Variants in SLC1A1 observed in about 807,000 individuals in gnomAD.
The protein encoded by SLC1A1 is excitatory amino acid transporter 3.
SLC1A1 carries 43 observed loss-of-function variants against 53.3 expected under a neutral mutation model. The observed-to-expected ratio is 0.81, with a 90% confidence interval of 0.63 to 1.04. SLC1A1 has a LOEUF of 1.04. SLC1A1 is among the 50% of genes least tolerant of loss of function. The probability of loss-of-function intolerance (pLI) is 0.00; values close to 1 mark genes in which losing one functional copy is unlikely to be tolerated. For missense variants in SLC1A1, 748 were observed against 664.9 expected, an observed-to-expected ratio of 1.12 and a Z score of -1.37; for synonymous variants, 307 against 243.2, an observed-to-expected ratio of 1.26 and a Z score of -2.44.
At chr9:4,509,204 C>A (rs559056099) in intron 1 of SLC1A1, among the ~76,000 whole-genome samples, 19 of 152,182 alleles carry the variant, frequency 1.2e-4, no homozygotes, top group Non-Finnish European at 2.9e-5. Flanking sequence ...CATGGAGCAT[C>A]TTTAAGAAAT....
At chr9:4,511,197 C>T (rs927607640) in intron 1 of SLC1A1, among the ~76,000 whole-genome samples, 3 of 152,150 alleles carry the variant, frequency 2.0e-5, no homozygotes, top group Non-Finnish European at 4.4e-5. Context: ...CCACAGACTA[C>T]GTAGCTTATA....
At chr9:4,507,807 T>G (rs563003438) in intron 1 of SLC1A1, among the ~76,000 whole-genome samples, 2 of 152,128 alleles carry the variant, frequency 1.3e-5, no homozygotes, top group African/African-American at 4.8e-5. Context: ...CAGAGGTCGA[T>G]CTGATCTTAA....
chr9:4,561,430 AT>A lies in SLC1A1; in HGVS notation c.233-16del, dbSNP rs756969436. 29 of 1,455,474 alleles carry A rather than the reference AT, an allele frequency of 2.0e-5. No individual in the cohort carries two copies. In the Middle Eastern group the frequency reaches 5.2e-4, roughly 26 times the overall value. 90.2% of individuals were successfully genotyped at this position (1,455,474 alleles called of 1,614,324 possible). A position where few individuals can be genotyped will look rare whatever the true frequency, so the allele number is the denominator to read the frequency against. On this transcript the variant is annotated intron_variant, in intron 2 of 11. Transcript: ENST00000262352. ...TGTCTTTTAAAATTAATGTAATTTG[AT>A]TTCTGTCTCCCCTTCAGGTGTTGCT...
In SLC1A1 at chr9:4,587,079, A is replaced by G. The variant is rs1317629175; in HGVS notation, c.*1521A>G. The G allele has an allele frequency of 6.6e-6, 1 of 152,646 alleles. No individual in the cohort carries two copies. The highest frequency in any genetic ancestry group is 2.4e-5 in the African/African-American group (1 of 41,444). The allele number at this position is 152,646 out of a possible 1,614,324, so 9.5% of individuals were successfully genotyped here. A position where few individuals can be genotyped will look rare whatever the true frequency, so the allele number is the denominator to read the frequency against. ...TGCTTTCATGTTTAAGAAATGAGAA[A>G]TTGTGCCAAAGATAGCAGAAGAGTA... On this transcript the variant is annotated 3_prime_UTR_variant, in exon 12 of 12. Coordinates refer to ENST00000262352, the MANE Select transcript of SLC1A1 (RefSeq NM_004170.6).
At chr9:4,567,824 G>T in intron 6 of SLC1A1, 57 bp downstream of exon 6, 2 of 1,054,486 alleles carry the variant, frequency 1.9e-6, no homozygotes, top group South Asian at 1.3e-5. Context: ...AGTCATGACT[G>T]AGCAGGAAAT....
Position 4,506,004 on chromosome 9 carries a change from T to G in SLC1A1, c.91+15234T>G, listed in dbSNP as rs113472584. The stretch of plus-strand genomic sequence containing the variant: ...ACGCCTGGCTAATTTTTGTATGTTT[T>G]TAGTAGAGAGGGGGTTTCACCATGT... On this transcript the variant is annotated intron_variant, in intron 1 of 11. Coordinates refer to ENST00000262352, the MANE Select transcript of SLC1A1 (RefSeq NM_004170.6). Among the ~76,000 whole-genome samples, 1,161 of 152,278 alleles carry G rather than the reference T, an allele frequency of 7.6e-3. 10 individuals carry two copies. The highest frequency in any genetic ancestry group is 0.024 in the Middle Eastern group (7 of 294).
At chr9:4,496,498 G>C (rs901107885) in intron 1 of SLC1A1, among the ~76,000 whole-genome samples, 1 of 151,948 alleles carries the variant, frequency 6.6e-6, no homozygotes, top group South Asian at 2.1e-4. Context: ...AGGATTACAA[G>C]TGCAAGCCAC....
At chr9:4,492,831 A>G (rs549927943) in intron 1 of SLC1A1, among the ~76,000 whole-genome samples, 1 of 152,102 alleles carries the variant, frequency 6.6e-6, no homozygotes, top group South Asian at 2.1e-4. Context: ...CAGGATAAAC[A>G]TTGGCTTGAG....
At chr9:4,581,307 T>C (rs1821076623) in intron 10 of SLC1A1, among the ~76,000 whole-genome samples, 1 of 152,232 alleles carries the variant, frequency 6.6e-6, no homozygotes. Flanking sequence ...CCACTGATAT[T>C]TATGTTTTCT....
chr9:4,546,421 T>G (rs1040606949), intron 2 of SLC1A1, among the ~76,000 whole-genome samples: 2 of 152,108 alleles, frequency 1.3e-5, no homozygotes, highest in African/African-American at 4.8e-5. Flanking sequence ...AATTGCTGGC[T>G]TTCTCTGAAA....
chr9:4,538,915 C>A (rs760784680), intron 1 of SLC1A1, among the ~76,000 whole-genome samples: 5 of 152,188 alleles, frequency 3.3e-5, no homozygotes, highest in Admixed American at 1.3e-4. Context: ...TCATCATCAA[C>A]GTTCATCTTA....
chr9:4,546,026 G>C (rs1211306499), intron 2 of SLC1A1, among the ~76,000 whole-genome samples: 1 of 152,088 alleles, frequency 6.6e-6, no homozygotes, highest in Non-Finnish European at 1.5e-5. Flanking sequence ...AAAGGTCTGG[G>C]ACTGGCCCTG....
intron 1 of SLC1A1, among the ~76,000 whole-genome samples, chr9:4,536,702 C>G (rs970709119): frequency 2.6e-5 from 4 of 152,116 alleles, no homozygotes; most frequent in Non-Finnish European, 5.9e-5. Context: ...GGTATATACC[C>G]AAAGGATTAT....
chr9:4,525,809 G>A (rs1175202311), intron 1 of SLC1A1, among the ~76,000 whole-genome samples: 1 of 151,842 alleles, frequency 6.6e-6, no homozygotes, highest in Non-Finnish European at 1.5e-5. Flanking sequence ...AAAAAATGGG[G>A]AATATATAAA....
Position 4,531,287 on chromosome 9 carries a change from C to G in SLC1A1, c.92-13280C>G, listed in dbSNP as rs146275836. Reference sequence around the variant, plus strand: ...GCCTCACCCGGGAAGCACAAGGGGTCAGGGAATTCCCTTTCCTAGTCAAAG... The same window carrying G: ...GCCTCACCCGGGAAGCACAAGGGGTGAGGGAATTCCCTTTCCTAGTCAAAG... On this transcript the variant is annotated intron_variant, in intron 1 of 11. Transcript: ENST00000262352. 8.2e-3 allele frequency among the ~76,000 whole-genome samples: 1,242 copies of G among 152,330 alleles called. 14 individuals are homozygous for G. The highest frequency in any genetic ancestry group is 0.02 in the Middle Eastern group (6 of 294).
rs149463238 is a variant in SLC1A1 at position 4,576,095 on chromosome 9, C to T, written c.970C>T (p.Leu324Phe). 3.5e-5 allele frequency: 56 copies of T among 1,613,756 alleles called. No individual in the cohort carries two copies. The highest frequency in any genetic ancestry group is 4.2e-5 in the Non-Finnish European group (49 of 1,179,726). ...ATTTGCCATGGGAATGGCCCAGGCT[C>T]TCCTGACAGCTCTCATGATCTCTTC... ...FRFAMGMAQA[L>F]LTALMISSSS... The change falls in exon 9 of 12, where the codon CTC becomes TTC. Residue 324 changes from leucine (L) to phenylalanine (F), a missense_variant. Leu to Phe is a conservative substitution (Grantham distance 22). Transcript: ENST00000262352.
intron 1 of SLC1A1, among the ~76,000 whole-genome samples, chr9:4,504,980 G>C (rs1169512466): frequency 2.6e-5 from 4 of 151,704 alleles, no homozygotes; most frequent in African/African-American, 7.3e-5. Flanking sequence ...ATAAGGAAAT[G>C]GCCTCGGTTT....
intron 1 of SLC1A1, among the ~76,000 whole-genome samples, chr9:4,515,949 A>T (rs552348916): frequency 6.6e-6 from 1 of 152,198 alleles, no homozygotes; most frequent in Non-Finnish European, 1.5e-5. Flanking sequence ...CTGGAGTAAA[A>T]GAGTCTTTGA....
At chr9:4,564,096 C>T (rs78879685) in intron 3 of SLC1A1, among the ~76,000 whole-genome samples, 1 of 56,374 alleles carries the variant, frequency 1.8e-5, no homozygotes, top group East Asian at 3.4e-4. Flanking sequence ...AACACACATA[C>T]ACACACACAC....
Sources: allele counts gnomAD v4.1 joint callset (sites outside exome capture counted in the v4.1 genomes callset), GRCh38; gene constraint gnomAD v4.1.1; transcripts MANE v1.5; gene names NCBI Gene and HGNC (gene_info 2026-07-23, HGNC 2026-07-21).